The following LDHB variants were observed in gnomAD, a reference collection of about 807,000 sequenced individuals.
LDHB encodes lactate dehydrogenase B, also known as L-lactate dehydrogenase B chain.
In LDHB, 18 loss-of-function variants were observed where a neutral mutation model predicts 33.4. The ratio of observed to expected loss-of-function variants is 0.54; its 90% CI spans 0.37 to 0.80. The LOEUF is 0.80. LDHB is among the 30% of genes least tolerant of loss of function. The probability of loss-of-function intolerance (pLI) is 0.00; values close to 1 mark genes in which losing one functional copy is unlikely to be tolerated. For missense variants in LDHB, 345 were observed against 407.9 expected, an observed-to-expected ratio of 0.85 and a Z score of 1.33; for synonymous variants, 121 against 140.6, an observed-to-expected ratio of 0.86 and a Z score of 0.98.
Position 21,643,971 on chromosome 12 carries a change from T to C in LDHB, c.385A>G (p.Ser129Gly). Residue 129 changes from serine (S) to glycine (G), a missense_variant, in exon 4 of 8, where the codon AGT becomes GGT. Physicochemically the swap from Ser to Gly is moderately conservative, Grantham distance 56. Transcript: ENST00000350669. ...ACCACAATTATGATGCAATCAGGAC[T>C]GTACTTGACGATCTGAGGAATAATG... Reference protein sequence around the residue: ...KFIIPQIVKYSPDCIIIVVSN... With the variant: ...KFIIPQIVKYGPDCIIIVVSN... The C allele has an allele frequency of 1.2e-6, 2 of 1,613,106 alleles. No individual in the cohort carries two copies. The highest frequency in any genetic ancestry group is 1.7e-6 in the Non-Finnish European group (2 of 1,179,082).
intron 2 of LDHB, among the ~76,000 whole-genome samples, chr12:21,653,374 C>T (rs1650313): frequency 0.99 from 151,209 of 152,278 alleles, 75,082 homozygotes; most frequent in Middle Eastern, 1. Flanking sequence ...AGAATCTAGC[C>T]AATGCCTGAT....
At chr12:21,654,889 G>A (rs531298496) in intron 1 of LDHB, among the ~76,000 whole-genome samples, 1 of 152,172 alleles carries the variant, frequency 6.6e-6, no homozygotes, top group South Asian at 2.1e-4. Context: ...TTGGGAGGCA[G>A]AGGCTGGTGG....
intron 2 of LDHB, among the ~76,000 whole-genome samples, chr12:21,650,812 G>A (rs888430715): frequency 1.3e-5 from 2 of 152,136 alleles, no homozygotes; most frequent in African/African-American, 2.4e-5. Context: ...ATACAGTTAC[G>A]ATAAAGTCTC....
At chr12:21,650,489 C>A (rs1176874943) in intron 2 of LDHB, among the ~76,000 whole-genome samples, 1 of 152,188 alleles carries the variant, frequency 6.6e-6, no homozygotes, top group African/African-American at 2.4e-5. Flanking sequence ...AACATGGCTA[C>A]AGTTGACTGA....
At position 21,652,817 on chromosome 12, in the gene LDHB, C is replaced by G. The variant is rs1938732844; in HGVS notation, c.129+1726G>C. On this transcript the variant is annotated intron_variant, in intron 2 of 7. Coordinates refer to ENST00000350669, the MANE Select transcript of LDHB (RefSeq NM_002300.8). ...CAGTTACCTAGTCAATTGAAACTAG[C>G]TAGAAGCAAATGCAAAAGGATAAAA... 2.0e-5 allele frequency among the ~76,000 whole-genome samples: 3 copies of G among 152,116 alleles called. No homozygotes were observed. The South Asian group carries it at 6.2e-4, about 32-fold the overall frequency.
chr12:21,653,558 TATAG>T (rs931543655), intron 2 of LDHB, among the ~76,000 whole-genome samples: 1 of 152,204 alleles, frequency 6.6e-6, no homozygotes, highest in Admixed American at 6.5e-5. Context: ...TCCAGCCATC[TATAG>T]ATAGATATAG....
intron 5 of LDHB, among the ~76,000 whole-genome samples, chr12:21,641,557 A>G (rs1938367926): frequency 6.6e-6 from 1 of 152,210 alleles, no homozygotes; most frequent in Admixed American, 6.6e-5. Context: ...AAAGCTTTAG[A>G]GGACACTATT....
Position 21,654,773 on chromosome 12 carries a change from A to G in LDHB, c.-6-96T>C, listed in dbSNP as rs569965540. On this transcript the variant is annotated intron_variant, in intron 1 of 7. Coordinates refer to ENST00000350669, the MANE Select transcript of LDHB (RefSeq NM_002300.8). ...TGTTACTGTTGCAATTTCGAACTGA[A>G]GTACAACTTAAAATGAGCCTAATGA... is the stretch of plus-strand genomic sequence containing the variant. 12 of 994,844 alleles carry G rather than the reference A, an allele frequency of 1.2e-5. No homozygotes were observed. The South Asian group carries it at 1.3e-4, about 11-fold the overall frequency. The allele number at this position is 994,844 out of a possible 1,614,324, so 61.6% of individuals were successfully genotyped here.
In LDHB at chr12:21,638,429, G is replaced by T; in HGVS notation, c.637C>A (p.Gln213Lys). ...GTTCCCATTTCTGGATTCAATTCCT[G>T]GAGAGAAACACCTGCCACATTCACA... ...SGVNVAGVSLQELNPEMGTDN... is the reference protein window; with the variant it reads ...SGVNVAGVSLKELNPEMGTDN... Residue 213 changes from glutamine (Q) to lysine (K), a missense_variant, in exon 6 of 8, where the codon CAG becomes AAG. Coordinates refer to ENST00000350669, the MANE Select transcript of LDHB (RefSeq NM_002300.8). The T allele has an allele frequency of 1.2e-6, 2 of 1,609,490 alleles. No homozygotes were observed. The highest frequency in any genetic ancestry group is 1.7e-6 in the Non-Finnish European group (2 of 1,177,730).
intron 2 of LDHB, among the ~76,000 whole-genome samples, chr12:21,654,121 C>G (rs780054282): frequency 2.6e-5 from 4 of 152,100 alleles, no homozygotes; most frequent in Non-Finnish European, 4.4e-5. Flanking sequence ...CACCTGGATG[C>G]TAGAAAAATG....
In LDHB at chr12:21,635,387, A is replaced by G. The variant is rs952389321; in HGVS notation, c.*155T>C. The G allele has an allele frequency of 1.5e-6, 1 of 687,622 alleles. No homozygotes were observed. The highest frequency in any genetic ancestry group is 2.6e-6 in the Non-Finnish European group (1 of 385,918). 42.6% of individuals were successfully genotyped at this position (687,622 alleles called of 1,614,324 possible). On this transcript the variant is annotated 3_prime_UTR_variant, in exon 8 of 8. Transcript: ENST00000350669. Reference sequence around the variant, plus strand: ...TATTTGTTCAAGAGCTCAGATTGCAAGCATTAAACCAAGCATAGGCTTTGA... The same window carrying G: ...TATTTGTTCAAGAGCTCAGATTGCAGGCATTAAACCAAGCATAGGCTTTGA...
At chr12:21,650,105 T>A (rs1291778621) in intron 2 of LDHB, among the ~76,000 whole-genome samples, 9 of 31,006 alleles carry the variant, frequency 2.9e-4, no homozygotes, top group African/African-American at 3.9e-4. Flanking sequence ...AGAAAAAAAA[T>A]ACACACACAC....
intron 1 of LDHB, among the ~76,000 whole-genome samples, chr12:21,656,667 A>G (rs1938854156): frequency 1.3e-5 from 2 of 152,342 alleles, no homozygotes; most frequent in East Asian, 1.9e-4. Context: ...TCTTTCAGAT[A>G]TTTCTGGAGA....
At chr12:21,657,473 A>T (rs927496382) in intron 1 of LDHB, 1 of 152,330 alleles carries the variant, frequency 6.6e-6, no homozygotes, top group African/African-American at 2.4e-5. Context: ...CCCACCAAGG[A>T]CAAGTAGGGC....
intron 2 of LDHB, among the ~76,000 whole-genome samples, chr12:21,650,450 CT>C (rs555539701): frequency 1.4e-3 from 206 of 152,302 alleles, no homozygotes; most frequent in African/African-American, 4.6e-3. Context: ...CTCCTAAGAG[CT>C]TTGTTATATA....
At chr12:21,637,628 T>C (rs1027718552) in intron 6 of LDHB, among the ~76,000 whole-genome samples, 5 of 152,222 alleles carry the variant, frequency 3.3e-5, no homozygotes, top group East Asian at 1.9e-4. Context: ...TAAGAGTATC[T>C]TGCCTGACAG....
chr12:21,640,750 T>A (rs1008637099), intron 5 of LDHB, among the ~76,000 whole-genome samples: 4 of 151,954 alleles, frequency 2.6e-5, no homozygotes, highest in African/African-American at 7.3e-5. Flanking sequence ...GGGAAACAGC[T>A]GATTCTAGTG....
At chr12:21,639,372 C>T (rs977443197) in intron 5 of LDHB, among the ~76,000 whole-genome samples, 1 of 151,928 alleles carries the variant, frequency 6.6e-6, no homozygotes, top group Admixed American at 6.6e-5. Context: ...AGACATAATT[C>T]TAGTGGTAGC....
intron 5 of LDHB, among the ~76,000 whole-genome samples, chr12:21,639,258 CTTTCA>C (rs1051271800): frequency 2.6e-5 from 4 of 151,868 alleles, no homozygotes; most frequent in Admixed American, 6.6e-5. Context: ...GTTTAATTCT[CTTTCA>C]TTTTACGTAC....
Sources: allele counts gnomAD v4.1 joint callset (sites outside exome capture counted in the v4.1 genomes callset), GRCh38; gene constraint gnomAD v4.1.1; transcripts MANE v1.5; gene names NCBI Gene and HGNC (gene_info 2026-07-23, HGNC 2026-07-21).